Variants in GYPE observed in about 807,000 individuals in gnomAD.
GYPE encodes glycophorin E (MNS blood group).
GYPE carries 8 observed loss-of-function variants against 11.6 expected under a neutral mutation model. That is an observed-to-expected ratio of 0.69 (90% CI 0.41 to 1.25). The LOEUF is 1.25. GYPE is among the 50% of genes most tolerant of loss of function. GYPE has a pLI of 0.01. For missense variants in GYPE, 90 were observed against 92.8 expected, an observed-to-expected ratio of 0.97 and a Z score of 0.12; for synonymous variants, 28 against 29.6, an observed-to-expected ratio of 0.94 and a Z score of 0.18.
At chr4:143,902,158 C>T (rs1336287545) in intron 1 of GYPE, among the ~76,000 whole-genome samples, 1 of 152,020 alleles carries the variant, frequency 6.6e-6, no homozygotes, top group Non-Finnish European at 1.5e-5. Flanking sequence ...TGTCATTTGT[C>T]ATTTTGAGTA....
rs1301454529 is a variant in GYPE at position 143,899,021 on chromosome 4, A to G, written c.37+6450T>C. On this transcript the variant is annotated intron_variant, in intron 1 of 3. Transcript: ENST00000358615. ...TATAATGATGACTGGGAAATAAGTGATAACATCAAAAGGAGGCCTCCAGAA... is the reference window on the plus strand; with the variant it reads ...TATAATGATGACTGGGAAATAAGTGGTAACATCAAAAGGAGGCCTCCAGAA... Among the ~76,000 whole-genome samples, 9 of 144,268 alleles carry G rather than the reference A, an allele frequency of 6.2e-5. No homozygotes were observed. In the East Asian group the frequency reaches 1.8e-3, roughly 29 times the overall value. 94.6% of individuals were successfully genotyped at this position (144,268 alleles called of 152,430 possible). A position where few individuals can be genotyped will look rare whatever the true frequency, so the allele number is the denominator to read the frequency against.
chr4:143,898,370 C>G (rs1302087520), intron 1 of GYPE, among the ~76,000 whole-genome samples: 1 of 152,114 alleles, frequency 6.6e-6, no homozygotes, highest in Non-Finnish European at 1.5e-5. Context: ...GAACGAGACT[C>G]CATCTTCAAA....
chr4:143,889,299 A>T (rs4835359), intron 1 of GYPE, among the ~76,000 whole-genome samples: 138,944 of 150,028 alleles, frequency 0.93, 65,251 homozygotes, highest in East Asian at 1. Flanking sequence ...TGGAGAAAAA[A>T]ATTGGTCACT....
Position 143,871,693 on chromosome 4 carries a change from C to T in GYPE, c.*569G>A, listed in dbSNP as rs1218561468. 1 of 152,132 alleles carries T rather than the reference C, an allele frequency of 6.6e-6. No individual in the cohort carries two copies. Among genetic ancestry groups the T allele is most frequent in the Non-Finnish European group, 1.5e-5 (1 of 68,024 alleles). 9.4% of individuals were successfully genotyped at this position (152,132 alleles called of 1,614,324 possible). ...GGAAAGGGAAAATCTAGGAGAAAAG[C>T]TTACAAAGACTGTAAATGCCTTCAA... On this transcript the variant is annotated 3_prime_UTR_variant, in exon 4 of 4. Transcript: ENST00000358615.
At position 143,871,305 on chromosome 4, in the gene GYPE, C is replaced by T. The variant is rs568022282; in HGVS notation, c.*957G>A. The T allele has an allele frequency of 1.5e-3, 221 of 152,182 alleles. No homozygotes were observed. The highest frequency in any genetic ancestry group is 4.8e-3 in the African/African-American group (199 of 41,526). 9.4% of individuals were successfully genotyped at this position (152,182 alleles called of 1,614,324 possible). A position where few individuals can be genotyped will look rare whatever the true frequency, so the allele number is the denominator to read the frequency against. On this transcript the variant is annotated 3_prime_UTR_variant, in exon 4 of 4. Coordinates refer to ENST00000358615, the MANE Select transcript of GYPE (RefSeq NM_198682.3). The stretch of plus-strand genomic sequence containing the variant: ...CTAAATCCTGGTGTTTTTATGGTTA[C>T]GGGTGGCATATAATATACAGGTAAG...
intron 1 of GYPE, among the ~76,000 whole-genome samples, chr4:143,902,349 A>C (rs1744899229): frequency 6.6e-6 from 1 of 151,928 alleles, no homozygotes. Flanking sequence ...TGAAAAAAAA[A>C]AAAAAAAAAG....
At chr4:143,879,384 C>T (rs188801985) in intron 2 of GYPE, among the ~76,000 whole-genome samples, 5 of 152,250 alleles carry the variant, frequency 3.3e-5, no homozygotes, top group African/African-American at 4.8e-5. Context: ...ATTGAGGATT[C>T]AGGTATATTT....
At chr4:143,901,020 A>G (rs1184902300) in intron 1 of GYPE, among the ~76,000 whole-genome samples, 1 of 152,166 alleles carries the variant, frequency 6.6e-6, no homozygotes, top group African/African-American at 2.4e-5. Context: ...GTGTATGTAA[A>G]TCGCTTAGAA....
intron 3 of GYPE, chr4:143,875,610 G>C (rs1368529153): frequency 1.2e-5 from 18 of 1,530,556 alleles, no homozygotes; most frequent in Non-Finnish European, 4.4e-6. Context: ...CCTTCATAGG[G>C]TGTAGCCAAT....
intron 2 of GYPE, among the ~76,000 whole-genome samples, chr4:143,878,369 C>G (rs1396888866): frequency 6.6e-6 from 1 of 152,148 alleles, no homozygotes; most frequent in Admixed American, 6.5e-5. Context: ...TTCCTGGGCT[C>G]AAGCGATTAG....
chr4:143,891,264 G>A (rs1578968637), intron 1 of GYPE, among the ~76,000 whole-genome samples: 1 of 151,608 alleles, frequency 6.6e-6, no homozygotes, highest in South Asian at 2.1e-4. Context: ...TGATTTGTGG[G>A]CAGTAGAATT....
At chr4:143,894,772 C>A (rs529690685) in intron 1 of GYPE, among the ~76,000 whole-genome samples, 9 of 152,002 alleles carry the variant, frequency 5.9e-5, no homozygotes, top group African/African-American at 2.2e-4. Context: ...CCTGGCAAAC[C>A]GAATCCAGCA....
At chr4:143,889,142 G>A (rs1196189701) in intron 1 of GYPE, among the ~76,000 whole-genome samples, 17 of 149,888 alleles carry the variant, frequency 1.1e-4, no homozygotes, top group Non-Finnish European at 2.4e-4. Flanking sequence ...GGTAGAGAAG[G>A]GTGCTGTATT....
intron 1 of GYPE, among the ~76,000 whole-genome samples, chr4:143,896,416 A>T (rs1207544869): frequency 2.2e-4 from 33 of 152,308 alleles, no homozygotes; most frequent in Admixed American, 5.9e-4. Flanking sequence ...AATGCTCATC[A>T]TCACTGGCCA....
intron 3 of GYPE, among the ~76,000 whole-genome samples, chr4:143,874,300 G>A (rs1743306816): frequency 6.6e-6 from 1 of 151,352 alleles, no homozygotes; most frequent in Non-Finnish European, 1.5e-5. Context: ...CCATCCCACA[G>A]CCCCCTCACC....
rs1394825371 is a variant in GYPE, at chr4:143,894,387, TG to T, written c.37+11083del. Among the ~76,000 whole-genome samples the T allele has an allele frequency of 2.6e-5, 4 of 152,198 alleles. No homozygotes were observed. In the East Asian group the frequency reaches 7.7e-4, roughly 29 times the overall value. On this transcript the variant is annotated intron_variant, in intron 1 of 3. Transcript: ENST00000358615. ...TTCCTTTGGAGGAGGAGAGGTGCTC[TG>T]CTTTTTAGAGTTTCCAGTTTTTCTG...
chr4:143,880,036 C>T (rs1291023200), intron 2 of GYPE, among the ~76,000 whole-genome samples: 1 of 152,134 alleles, frequency 6.6e-6, no homozygotes, highest in East Asian at 1.9e-4. Context: ...CCCTGCAGGG[C>T]AACTCACCCT....
chr4:143,886,549 T>C (rs1744227450), intron 1 of GYPE, among the ~76,000 whole-genome samples: 1 of 139,930 alleles, frequency 7.1e-6, no homozygotes, highest in Non-Finnish European at 1.6e-5. Flanking sequence ...TATTCAATTC[T>C]GCAAAGCTGC....
intron 3 of GYPE, among the ~76,000 whole-genome samples, chr4:143,875,935 C>T (rs1743787593): frequency 6.6e-6 from 1 of 150,892 alleles, no homozygotes; most frequent in Non-Finnish European, 1.5e-5. Context: ...GATTGCGCCA[C>T]TTTGCACTCA....
Sources: allele counts gnomAD v4.1 joint callset (sites outside exome capture counted in the v4.1 genomes callset), GRCh38; gene constraint gnomAD v4.1.1; transcripts MANE v1.5; gene names NCBI Gene and HGNC (gene_info 2026-07-23, HGNC 2026-07-21).